FNIP2: variants seen among roughly 807,000 people sequenced by gnomAD.
FNIP2 encodes the protein folliculin interacting protein 2.
A neutral mutation model predicts 108.7 loss-of-function variants in FNIP2; 32 were observed. The ratio of observed to expected loss-of-function variants is 0.29; its 90% CI spans 0.22 to 0.40. The LOEUF (loss-of-function observed/expected upper bound fraction) is 0.40. Ranked by LOEUF, FNIP2 falls within the 10% of genes least tolerant of loss-of-function variation. FNIP2 has a pLI of 1.00. For missense variants in FNIP2, 1,202 were observed against 1,381.6 expected, an observed-to-expected ratio of 0.87 and a Z score of 2.06; for synonymous variants, 480 against 496.7, an observed-to-expected ratio of 0.97 and a Z score of 0.45.
intron 16 of FNIP2, among the ~76,000 whole-genome samples, chr4:158,896,849 TTTA>T (rs1034393949): frequency 2.0e-5 from 3 of 151,756 alleles, no homozygotes; most frequent in African/African-American, 7.3e-5. Context: ...TAGTTTTTTT[TTTA>T]TTATTATTAT....
chr4:158,840,165 GT>G (rs1275787476), intron 7 of FNIP2, among the ~76,000 whole-genome samples: 1 of 152,152 alleles, frequency 6.6e-6, no homozygotes, highest in Admixed American at 6.5e-5. Context: ...TGCATCTCCA[GT>G]TTCTAACCTG....
chr4:158,776,022 A>G (rs1775849008), intron 1 of FNIP2, among the ~76,000 whole-genome samples: 1 of 152,226 alleles, frequency 6.6e-6, no homozygotes. Context: ...AGATGATTTT[A>G]TTACCACACC....
chr4:158,804,897 A>AATTCTC (rs1776889092), intron 1 of FNIP2, among the ~76,000 whole-genome samples: 3 of 152,168 alleles, frequency 2.0e-5, no homozygotes, highest in Non-Finnish European at 4.4e-5. Flanking sequence ...TCAATTTAGC[A>AATTCTC]TGTGCCACAG....
intron 10 of FNIP2, 107 bp from the exon 11 acceptor site, chr4:158,861,235 A>T: frequency 7.9e-7 from 1 of 1,272,862 alleles, no homozygotes; most frequent in Non-Finnish European, 1.1e-6. Context: ...TGAATCTTTT[A>T]AGGACTACAT....
intron 1 of FNIP2, among the ~76,000 whole-genome samples, chr4:158,770,120 G>A (rs1225877065): frequency 6.6e-6 from 1 of 152,136 alleles, no homozygotes; most frequent in African/African-American, 2.4e-5. Flanking sequence ...AGATAACTTA[G>A]GCGGCTTGCC....
chr4:158,796,002 G>T (rs1447001823), intron 1 of FNIP2: 1 of 152,124 alleles, frequency 6.6e-6, no homozygotes, highest in African/African-American at 2.4e-5. Flanking sequence ...GCAGTGTGTA[G>T]ACTCGGTGAC....
At chr4:158,791,851 G>A (rs1776430391) in intron 1 of FNIP2, among the ~76,000 whole-genome samples, 1 of 152,126 alleles carries the variant, frequency 6.6e-6, no homozygotes, top group Admixed American at 6.5e-5. Context: ...CATATAGAAG[G>A]CTTGAAAATA....
Position 158,773,988 on chromosome 4 carries a change from C to T in FNIP2, c.107+4669C>T, listed in dbSNP as rs147311041. ...CACAATGGATGACATTCTATAGCATCCAAATCATAATTTTATACACAGACA... is the reference window on the plus strand; with the variant it reads ...CACAATGGATGACATTCTATAGCATTCAAATCATAATTTTATACACAGACA... On this transcript the variant is annotated intron_variant, in intron 1 of 16. Transcript: ENST00000264433. Among the ~76,000 whole-genome samples, 601 of 152,180 alleles carry T rather than the reference C, an allele frequency of 3.9e-3. 3 individuals are homozygous for T. The highest frequency in any genetic ancestry group is 0.014 in the African/African-American group (566 of 41,546).
chr4:158,861,668 A>G lies in FNIP2; in HGVS notation c.1357A>G (p.Met453Val), dbSNP rs1429419124. 13 of 1,613,886 alleles carry G rather than the reference A, an allele frequency of 8.1e-6. No individual in the cohort carries two copies. The highest frequency in any genetic ancestry group is 2.7e-5 in the African/African-American group (2 of 74,918). ...CCACCTGGCCTGGGTCCCAACTGTCATGCCTGTGGATCACCCTCCCATCAA... is the reference window on the plus strand; with the variant it reads ...CCACCTGGCCTGGGTCCCAACTGTCGTGCCTGTGGATCACCCTCCCATCAA... The part of the protein sequence containing the change: ...TYHLAWVPTV[M>V]PVDHPPIKAF... The change falls in exon 12 of 17, where the codon ATG (methionine) becomes GTG (valine). Residue 453 changes from methionine to valine, a missense_variant. Physicochemically the swap from Met to Val is conservative, Grantham distance 21. Transcript: ENST00000264433.
chr4:158,845,799 CAAT>C (rs766112089), intron 7 of FNIP2, among the ~76,000 whole-genome samples: 6 of 152,210 alleles, frequency 3.9e-5, no homozygotes, highest in Non-Finnish European at 8.8e-5. Context: ...ATATGATTAA[CAAT>C]GATGTGCCAC....
At chr4:158,788,989 A>G (rs1776311920) in intron 1 of FNIP2, among the ~76,000 whole-genome samples, 1 of 152,220 alleles carries the variant, frequency 6.6e-6, no homozygotes, top group Admixed American at 6.5e-5. Flanking sequence ...ACTAAAAGTA[A>G]TGAGAGTCCA....
intron 14 of FNIP2, among the ~76,000 whole-genome samples, chr4:158,873,767 T>C (rs997792382): frequency 6.6e-6 from 1 of 152,284 alleles, no homozygotes; most frequent in African/African-American, 2.4e-5. Flanking sequence ...TTGAACTCTC[T>C]CTGCCTCCTA....
chr4:158,774,996 A>C (rs1046241860), intron 1 of FNIP2, among the ~76,000 whole-genome samples: 1 of 152,166 alleles, frequency 6.6e-6, no homozygotes, highest in African/African-American at 2.4e-5. Context: ...TAGCTCCAAA[A>C]AGAGCATTGG....
intron 12 of FNIP2, among the ~76,000 whole-genome samples, chr4:158,863,965 A>G (rs1780437430): frequency 6.6e-6 from 1 of 152,210 alleles, no homozygotes; most frequent in South Asian, 2.1e-4. Flanking sequence ...TTCAAAACAC[A>G]GTGGAATTAG....
At chr4:158,888,840 C>G (rs1007151548) in intron 14 of FNIP2, among the ~76,000 whole-genome samples, 1 of 151,174 alleles carries the variant, frequency 6.6e-6, no homozygotes, top group Non-Finnish European at 1.5e-5. Flanking sequence ...CGAGATTGCA[C>G]CACATCACTC....
At chr4:158,778,785 C>T (rs1775939038) in intron 1 of FNIP2, among the ~76,000 whole-genome samples, 1 of 152,176 alleles carries the variant, frequency 6.6e-6, no homozygotes, top group African/African-American at 2.4e-5. Context: ...GATAAGAGGG[C>T]ACTACTGTAA....
rs1780791827 is a variant in FNIP2, at chr4:158,869,353, C to A, written c.2717C>A (p.Ala906Asp). The A allele has an allele frequency of 2.5e-6, 4 of 1,612,896 alleles. No individual in the cohort carries two copies. Among genetic ancestry groups the A allele is most frequent in the Non-Finnish European group, 3.4e-6 (4 of 1,179,466 alleles). ...ALGDSDDEAC[A>D]SAMLDLGHGG... Reference sequence around the variant, plus strand: ...GGAGACAGTGACGACGAAGCCTGCGCTTCAGCCATGCTAGATCTGGGTCAC... The same window carrying A: ...GGAGACAGTGACGACGAAGCCTGCGATTCAGCCATGCTAGATCTGGGTCAC... Residue 906 changes from alanine to aspartate, a missense_variant, in exon 13 of 17, where the codon GCT (alanine) becomes GAT (aspartate). Physicochemically the swap from Ala to Asp is moderately radical, Grantham distance 126. Coordinates refer to ENST00000264433, the MANE Select transcript of FNIP2 (RefSeq NM_020840.3).
intron 13 of FNIP2, 100 bp downstream of exon 13, chr4:158,869,528 A>G: frequency 7.2e-7 from 1 of 1,390,676 alleles, no homozygotes; most frequent in South Asian, 1.5e-5. Context: ...TGTCTGCTTT[A>G]CACACAGTAT....
At chr4:158,902,310 C>T (rs760371907) in intron 16 of FNIP2, among the ~76,000 whole-genome samples, 1 of 152,166 alleles carries the variant, frequency 6.6e-6, no homozygotes, top group Non-Finnish European at 1.5e-5. Flanking sequence ...GTATCACCAG[C>T]GGAGGCTGTA....
Sources: gnomAD v4.1 joint callset for allele counts (sites outside exome capture counted in the v4.1 genomes callset) on GRCh38, gnomAD v4.1.1 for gene constraint, MANE v1.5 for transcripts, NCBI Gene and HGNC (gene_info 2026-07-23, HGNC 2026-07-21) for gene names.